Variants in PIGZ observed in about 807,000 individuals in gnomAD.
The protein encoded by PIGZ is GPI alpha-1,2-mannosyltransferase 4.
In PIGZ, 16 loss-of-function variants were observed where a neutral mutation model predicts 16.4. The ratio of observed to expected loss-of-function variants is 0.97; its 90% CI spans 0.66 to 1.48. The LOEUF (loss-of-function observed/expected upper bound fraction) is 1.48, where lower values mean the gene tolerates loss of function less well. Among genes scored for constraint, PIGZ ranks in the 40% most tolerant of loss-of-function variants. The pLI, the probability that PIGZ is intolerant of heterozygous loss-of-function variation, is 0.00. For missense variants in PIGZ, 770 were observed against 739.2 expected, an observed-to-expected ratio of 1.04 and a Z score of -0.48; for synonymous variants, 409 against 338.4, an observed-to-expected ratio of 1.21 and a Z score of -2.29.
Position 196,947,641 on chromosome 3 carries a change from AAGAGGACCAC to A in PIGZ, c.1246_1255del (p.Val416SerfsTer81). 6.2e-7 allele frequency: 1 copy of A among 1,612,472 alleles called. No individual in the cohort carries two copies. The highest frequency in any genetic ancestry group is 1.1e-5 in the South Asian group (1 of 90,840). ...GAAGAGGAGGGCACCGAGGGCGTTG[AAGAGGACCAC>A]AGTGCCCTTCCAAGGCACAGGCTGC... On this transcript the variant is annotated frameshift_variant, in exon 3 of 3. Coordinates refer to ENST00000412723, the MANE Select transcript of PIGZ (RefSeq NM_025163.4). LOFTEE classifies it high-confidence loss of function.
rs1368184054 is a variant in PIGZ at position 196,951,859 on chromosome 3, T to G, written c.173A>C (p.His58Pro). 1.2e-6 allele frequency: 2 copies of G among 1,614,130 alleles called. No individual in the cohort carries two copies. The highest frequency in any genetic ancestry group is 1.7e-5 in the Admixed American group (1 of 60,012). ...WCLLPQTGYV[H>P]PDEFFQSPEV... is the part of the protein sequence containing the mutation. Reference sequence around the variant, plus strand: ...AGGGGACTGGAAGAACTCATCTGGGTGCACATAGCCCGTCTGCGGAAGGAG... The same window carrying G: ...AGGGGACTGGAAGAACTCATCTGGGGGCACATAGCCCGTCTGCGGAAGGAG... The change falls in exon 2 of 3, where the codon CAC (histidine) becomes CCC (proline). Residue 58 changes from histidine (H) to proline (P), a missense_variant. His to Pro is a moderately conservative substitution (Grantham distance 77). Transcript: ENST00000412723.
chr3:196,948,057 GA>G lies in PIGZ; in HGVS notation c.839del (p.Phe280SerfsTer12). Reference sequence around the variant, plus strand: ...GGTTCCTGGATGTAGCGGGGCTGGAGAAATACCAGCTGTCCGTGGCCACAAA... The same window carrying G: ...GGTTCCTGGATGTAGCGGGGCTGGAGAATACCAGCTGTCCGTGGCCACAAA... Reference protein sequence around the residue: ...AVFVATDSWYFSSPATSRNLV... With the variant: ...AVFVATDSWYXSSPATSRNLV... On this transcript the variant is annotated frameshift_variant, in exon 3 of 3. Transcript: ENST00000412723. LOFTEE classifies it low-confidence loss of function (END_TRUNC). 6.3e-7 allele frequency: 1 copy of G among 1,588,832 alleles called. No homozygotes were observed. The highest frequency in any genetic ancestry group is 1.1e-5 in the South Asian group (1 of 87,702).
In PIGZ at chr3:196,948,557, C is replaced by A; in HGVS notation, c.340G>T (p.Gly114Trp). 6.3e-7 allele frequency: 1 copy of A among 1,599,426 alleles called. No individual in the cohort carries two copies. Among genetic ancestry groups the A allele is most frequent in the East Asian group, 2.3e-5 (1 of 44,178 alleles). Residue 114 changes from glycine (G) to tryptophan (W), a missense_variant, in exon 3 of 3, where the codon GGG becomes TGG. Transcript: ENST00000412723. The part of the protein sequence containing the change: ...FWLLRLWEEL[G>W]PWPGLVSGYA... ...CCGCTCACCAGGCCAGGCCACGGCCCCAGCTCCTCCCAGAGCCTGAGCAGC... is the reference window on the plus strand; with the variant it reads ...CCGCTCACCAGGCCAGGCCACGGCCACAGCTCCTCCCAGAGCCTGAGCAGC...
At position 196,948,398 on chromosome 3, in the gene PIGZ, C is replaced by T. The variant is rs770811113; in HGVS notation, c.499G>A (p.Val167Ile). 23 of 1,614,104 alleles carry T rather than the reference C, an allele frequency of 1.4e-5. No individual in the cohort carries two copies. The highest frequency in any genetic ancestry group is 3.3e-5 in the South Asian group (3 of 91,076). Residue 167 changes from valine (V) to isoleucine (I), a missense_variant, in exon 3 of 3, where the codon GTC becomes ATC. By Grantham distance (29) the Val-to-Ile change is conservative. Transcript: ENST00000412723. ...NALALLSGSY[V>I]TLVFYTRTFS... ...GTCCTTGTGTAGAAGACCAGGGTGA[C>T]GTAGGAACCAGACAGCAGGGCCAGG...
chr3:196,966,613 A>G (rs1717936103), intron 1 of PIGZ, among the ~76,000 whole-genome samples: 2 of 152,162 alleles, frequency 1.3e-5, no homozygotes, highest in Admixed American at 6.5e-5. Context: ...GAAGGTGACA[A>G]CGTAGTGGGG....
At chr3:196,950,428 A>G (rs1169234203) in intron 2 of PIGZ, among the ~76,000 whole-genome samples, 1 of 152,194 alleles carries the variant, frequency 6.6e-6, no homozygotes, top group East Asian at 1.9e-4. Flanking sequence ...CTCCACTCCA[A>G]GCCTCATTGT....
Position 196,947,164 on chromosome 3 carries a change from TC to T in PIGZ, c.1732del (p.Glu578LysfsTer16). The T allele has an allele frequency of 6.5e-7, 1 of 1,547,152 alleles. No individual in the cohort carries two copies. Among genetic ancestry groups the T allele is most frequent in the Non-Finnish European group, 8.7e-7 (1 of 1,145,390 alleles). ...GGGTGCTCTGTCATATTGTCAGGTT[TC>T]TTCCCCCAGCTCCACAATGTGAAGA... ...LSLHIVELGE[E>X]T On this transcript the variant is annotated frameshift_variant, in exon 3 of 3. Transcript: ENST00000412723. LOFTEE classifies it high-confidence loss of function.
rs1194554342 is a variant in PIGZ, at chr3:196,948,883, TCCTTCC to T, written c.212-204_212-199del. On this transcript the variant is annotated intron_variant, in intron 2 of 2. Transcript: ENST00000412723. ...CCTTCCTTCCCTTCCTTCCTTCCCT[TCCTTCC>T]CCTTCCTTCCCTTCCCCTCCCCTCC... 2.1e-3 allele frequency among the ~76,000 whole-genome samples: 88 copies of T among 42,420 alleles called. 20 individuals carry two copies. Among genetic ancestry groups the T allele is most frequent in the African/African-American group, 0.013 (86 of 6,680 alleles). The allele number at this position is 42,420 out of a possible 152,430, so 27.8% of individuals were successfully genotyped here.
At position 196,951,916 on chromosome 3, in the gene PIGZ, C is replaced by T. The variant is rs1181122150; in HGVS notation, c.116G>A (p.Gly39Asp). The change falls in exon 2 of 3, where the codon GGT (glycine) becomes GAT (aspartate). Residue 39 changes from glycine (G) to aspartate (D), a missense_variant. Transcript: ENST00000412723. ...DLKMAVRVLW[G>D]GLSLLRVLWC... Reference sequence around the variant, plus strand: ...CAGCACTCGGAGCAGGCTGAGACCACCCCAAAGCACCCTGACTGCCATCTT... The same window carrying T: ...CAGCACTCGGAGCAGGCTGAGACCATCCCAAAGCACCCTGACTGCCATCTT... 1.2e-6 allele frequency: 2 copies of T among 1,614,070 alleles called. No individual in the cohort carries two copies. The highest frequency in any genetic ancestry group is 4.5e-5 in the East Asian group (2 of 44,900).
chr3:196,968,195 A>G (rs777014645), intron 1 of PIGZ, among the ~76,000 whole-genome samples: 3 of 152,156 alleles, frequency 2.0e-5, no homozygotes, highest in Non-Finnish European at 4.4e-5. Flanking sequence ...CCTGGCCCGA[A>G]GTGCAGCCCC....
In PIGZ at chr3:196,964,081, C is replaced by T. The variant is rs1015981075; in HGVS notation, c.-1+4606G>A. Among the ~76,000 whole-genome samples, 3 of 148,300 alleles carry T rather than the reference C, an allele frequency of 2.0e-5. No homozygotes were observed. In the South Asian group the frequency reaches 6.3e-4, roughly 31 times the overall value. ...ATTTATTTATTTTGAGACGGAGTCTCACTCTGTCGCCCAGGCTGGAGTGCA... is the reference window on the plus strand; with the variant it reads ...ATTTATTTATTTTGAGACGGAGTCTTACTCTGTCGCCCAGGCTGGAGTGCA... On this transcript the variant is annotated intron_variant, in intron 1 of 2. Coordinates refer to ENST00000412723, the MANE Select transcript of PIGZ (RefSeq NM_025163.4).
intron 1 of PIGZ, among the ~76,000 whole-genome samples, chr3:196,956,346 A>T (rs1717486089): frequency 6.6e-6 from 1 of 152,252 alleles, no homozygotes; most frequent in Non-Finnish European, 1.5e-5. Context: ...GGCACGTCTT[A>T]CATGGCAGCA....
chr3:196,956,340 C>G (rs7611905), intron 1 of PIGZ, among the ~76,000 whole-genome samples: 1 of 152,022 alleles, frequency 6.6e-6, no homozygotes, highest in Admixed American at 6.6e-5. Flanking sequence ...GGCAAAGGCA[C>G]GTCTTACATG....
intron 1 of PIGZ, among the ~76,000 whole-genome samples, chr3:196,968,463 C>A (rs1389939565): frequency 6.6e-6 from 1 of 152,262 alleles, no homozygotes; most frequent in Non-Finnish European, 1.5e-5. Context: ...GCCTCCGTCC[C>A]CCTAGGTCCG....
intron 2 of PIGZ, chr3:196,951,538 C>T: frequency 4.1e-6 from 2 of 487,374 alleles, no homozygotes; most frequent in East Asian, 3.8e-5. Context: ...GGAAGTCCAA[C>T]ACAGCTCTCA....
intron 1 of PIGZ, among the ~76,000 whole-genome samples, chr3:196,955,068 G>A (rs1717425539): frequency 6.6e-6 from 1 of 152,076 alleles, no homozygotes; most frequent in Admixed American, 6.6e-5. Context: ...TAGGAAGACG[G>A]GTATGTGCCA....
chr3:196,960,309 C>G (rs575464276), intron 1 of PIGZ, among the ~76,000 whole-genome samples: 1 of 152,200 alleles, frequency 6.6e-6, no homozygotes, highest in Non-Finnish European at 1.5e-5. Context: ...TTGTACTGAA[C>G]CTTCACCATT....
intron 1 of PIGZ, among the ~76,000 whole-genome samples, chr3:196,967,038 T>G (rs1717958228): frequency 6.6e-6 from 1 of 150,982 alleles, no homozygotes; most frequent in African/African-American, 2.4e-5. Context: ...TGGGAGAATG[T>G]GTAGGGCAAG....
chr3:196,948,048 G>A lies in PIGZ; in HGVS notation c.849C>T (p.Pro283=), dbSNP rs553144653. ...VATDSWYFSS[P]ATSRNLVLTP... The stretch of plus-strand genomic sequence containing the variant: ...TCAGGACAAGGTTCCTGGATGTAGC[G>A]GGGCTGGAGAAATACCAGCTGTCCG... Residue 283 remains proline (P), a synonymous_variant, in exon 3 of 3, where the codon CCC becomes CCT. Coordinates refer to ENST00000412723, the MANE Select transcript of PIGZ (RefSeq NM_025163.4). 2.3e-4 allele frequency: 365 copies of A among 1,588,664 alleles called. No individual in the cohort carries two copies. The highest frequency in any genetic ancestry group is 3.1e-4 in the Admixed American group (18 of 58,384).
Sources: allele counts gnomAD v4.1 joint callset (sites outside exome capture counted in the v4.1 genomes callset), GRCh38; gene constraint gnomAD v4.1.1; transcripts MANE v1.5; gene names NCBI Gene and HGNC (gene_info 2026-07-23, HGNC 2026-07-21).